DNAJC6: variants seen among roughly 807,000 people sequenced by gnomAD.
DNAJC6 encodes DnaJ heat shock protein family (Hsp40) member C6.
Under a neutral mutation model 110.0 loss-of-function variants are expected in DNAJC6, and 34 were observed. The observed-to-expected ratio is 0.31, with a 90% CI of 0.24 to 0.41. The LOEUF is 0.41. Ranked by LOEUF, DNAJC6 falls within the 10% of genes least tolerant of loss-of-function variation. The pLI, the probability that DNAJC6 is intolerant of heterozygous loss-of-function variation, is 1.00. For synonymous variants in DNAJC6, 406 were observed against 437.2 expected, an observed-to-expected ratio of 0.93 and a Z score of 0.89; for missense variants, 1,031 against 1,207.8, an observed-to-expected ratio of 0.85 and a Z score of 2.17.
chr1:65,362,533 G>A (rs984356940), intron 1 of DNAJC6, among the ~76,000 whole-genome samples: 3 of 152,120 alleles, frequency 2.0e-5, no homozygotes, highest in Non-Finnish European at 2.9e-5. Flanking sequence ...GTTTAGCTAC[G>A]TTCTCTTGAC....
intron 4 of DNAJC6, among the ~76,000 whole-genome samples, chr1:65,376,167 G>T (rs1645764734): frequency 6.6e-6 from 1 of 151,942 alleles, no homozygotes; most frequent in Non-Finnish European, 1.5e-5. Context: ...TTTCTGATTT[G>T]TTTGGTATAT....
chr1:65,369,826 G>C (rs1645688547), intron 4 of DNAJC6, among the ~76,000 whole-genome samples: 2 of 152,148 alleles, frequency 1.3e-5, no homozygotes, highest in African/African-American at 4.8e-5. Flanking sequence ...AGCCACATTG[G>C]TTGACAGGAA....
intron 2 of DNAJC6, among the ~76,000 whole-genome samples, 154 bp from the exon 3 acceptor site, chr1:65,365,731 T>C (rs1313030739): frequency 6.6e-6 from 1 of 152,174 alleles, no homozygotes; most frequent in East Asian, 1.9e-4. Flanking sequence ...CTTTTCTCAG[T>C]GATCCTTCCT....
At chr1:65,368,568 CT>C (rs1645671385) in intron 4 of DNAJC6, among the ~76,000 whole-genome samples, 1 of 145,792 alleles carries the variant, frequency 6.9e-6, no homozygotes, top group African/African-American at 2.7e-5. Flanking sequence ...TTCCTTCCTT[CT>C]TTCCTCTTCT....
intron 13 of DNAJC6, among the ~76,000 whole-genome samples, chr1:65,395,940 T>C (rs1278263367): frequency 6.6e-6 from 1 of 152,186 alleles, no homozygotes; most frequent in East Asian, 1.9e-4. Context: ...TCGAAGTCTA[T>C]TGAACATTAT....
intron 1 of DNAJC6, among the ~76,000 whole-genome samples, chr1:65,302,832 G>A (rs1645002107): frequency 6.6e-6 from 1 of 152,086 alleles, no homozygotes; most frequent in Non-Finnish European, 1.5e-5. Flanking sequence ...ACCGCGCCCG[G>A]CCTGTCTCTT....
At chr1:65,293,753 G>A (rs1312891454) in intron 1 of DNAJC6, among the ~76,000 whole-genome samples, 2 of 152,148 alleles carry the variant, frequency 1.3e-5, no homozygotes, top group Non-Finnish European at 2.9e-5. Context: ...TTGTTAATAT[G>A]TTGGTCTATG....
At chr1:65,311,460 G>A (rs1645101237) in intron 1 of DNAJC6, among the ~76,000 whole-genome samples, 1 of 152,072 alleles carries the variant, frequency 6.6e-6, no homozygotes, top group South Asian at 2.1e-4. Flanking sequence ...CCTGACCTCA[G>A]GTGATCTGCC....
At chr1:65,363,715 G>A (rs1252101922) in intron 1 of DNAJC6, among the ~76,000 whole-genome samples, 2 of 152,122 alleles carry the variant, frequency 1.3e-5, no homozygotes, top group African/African-American at 4.8e-5. Context: ...TCAACACCTT[G>A]CAGTGCACAG....
intron 13 of DNAJC6, among the ~76,000 whole-genome samples, 170 bp downstream of exon 13, chr1:65,395,202 T>C (rs2101618469): frequency 6.6e-6 from 1 of 152,324 alleles, no homozygotes; most frequent in South Asian, 2.1e-4. Context: ...CTCTGGGCTG[T>C]CTTACAGGAC....
At chr1:65,408,409 T>G (rs566190441) in intron 16 of DNAJC6, among the ~76,000 whole-genome samples, 1 of 152,166 alleles carries the variant, frequency 6.6e-6, no homozygotes, top group Non-Finnish European at 1.5e-5. Context: ...GGCTTCATGA[T>G]CCAGCCTCCA....
intron 1 of DNAJC6, among the ~76,000 whole-genome samples, chr1:65,323,210 T>C (rs949005571): frequency 1.3e-5 from 2 of 152,194 alleles, no homozygotes; most frequent in Non-Finnish European, 2.9e-5. Flanking sequence ...ATAATGCCTT[T>C]TAATATGATT....
At chr1:65,345,684 C>T in intron 1 of DNAJC6, 2 of 984,842 alleles carry the variant, frequency 2.0e-6, no homozygotes, top group Non-Finnish European at 2.4e-6. Context: ...TGGAAGGAGT[C>T]TGAAGAGAGG....
chr1:65,345,757 C>T, intron 1 of DNAJC6: 1 of 853,482 alleles, frequency 1.2e-6, no homozygotes. Context: ...GGGATTTAGC[C>T]CATGTCTTCT....
chr1:65,315,717 A>G (rs370842609), intron 1 of DNAJC6, among the ~76,000 whole-genome samples: 2 of 152,356 alleles, frequency 1.3e-5, no homozygotes, highest in Admixed American at 6.5e-5. Context: ...AATGATAGTA[A>G]CGGTCATCTT....
rs1167108850 is a variant in DNAJC6 at position 65,364,690 on chromosome 1, A to G, written c.249A>G (p.Val83=). The G allele has an allele frequency of 1.2e-5, 19 of 1,611,534 alleles. No homozygotes were observed. Among genetic ancestry groups the G allele is most frequent in the Non-Finnish European group, 1.4e-5 (17 of 1,179,394 alleles). Residue 83 remains valine (V), a synonymous_variant, in exon 2 of 19, where the codon GTA becomes GTG. Coordinates refer to ENST00000371069, the MANE Select transcript of DNAJC6 (RefSeq NM_001256864.2). ...ATGGGGGAGGTCTCTTTGACATGGTAAAAGGAGGTGCAGGGAGGCTCTTTA... is the reference window on the plus strand; with the variant it reads ...ATGGGGGAGGTCTCTTTGACATGGTGAAAGGAGGTGCAGGGAGGCTCTTTA... The part of the protein sequence containing the change: ...PSYGGGLFDM[V]KGGAGRLFSN...
chr1:65,367,873 ATTTT>A (rs67626971), intron 4 of DNAJC6, among the ~76,000 whole-genome samples: 21,500 of 136,864 alleles, frequency 0.16, 3,033 homozygotes, highest in East Asian at 0.57. Flanking sequence ...AGGAGGGAGC[ATTTT>A]TTTTTTTTTT....
chr1:65,325,331 G>A (rs1313129282), intron 1 of DNAJC6, among the ~76,000 whole-genome samples: 1 of 152,216 alleles, frequency 6.6e-6, no homozygotes, highest in East Asian at 1.9e-4. Context: ...TCTTAAAGGA[G>A]CTTAGAAGAC....
In DNAJC6 at chr1:65,319,636, A is replaced by C. The variant is rs945685089; in HGVS notation, c.193+9698A>C. 4.0e-5 allele frequency among the ~76,000 whole-genome samples: 6 copies of C among 151,860 alleles called. No individual in the cohort carries two copies. In the South Asian group the frequency reaches 6.2e-4, roughly 16 times the overall value. Reference sequence around the variant, plus strand: ...GAATTCTCTGGAAAAAATAAAAAAAACAAAAAACAAAAAACAAAAAAACCA... The same window carrying C: ...GAATTCTCTGGAAAAAATAAAAAAACCAAAAAACAAAAAACAAAAAAACCA... On this transcript the variant is annotated intron_variant, in intron 1 of 18. Coordinates refer to ENST00000371069, the MANE Select transcript of DNAJC6 (RefSeq NM_001256864.2).
Sources: allele counts gnomAD v4.1 joint callset (sites outside exome capture counted in the v4.1 genomes callset), GRCh38; gene constraint gnomAD v4.1.1; transcripts MANE v1.5; gene names NCBI Gene and HGNC (gene_info 2026-07-23, HGNC 2026-07-21).